VMAC: variants seen among roughly 807,000 people sequenced by gnomAD.
VMAC encodes the protein vimentin-type intermediate filament-associated coiled-coil protein.
In VMAC, 8 loss-of-function variants were observed where a neutral mutation model predicts 4.8. The observed-to-expected ratio is 1.68, with a 90% confidence interval of 0.99 to 3.03. The LOEUF (loss-of-function observed/expected upper bound fraction) is 3.03. Ranked by LOEUF, VMAC falls within the 30% of genes most tolerant of loss-of-function variation. The pLI is 0.00. For synonymous variants in VMAC, 96 were observed against 113.7 expected, an observed-to-expected ratio of 0.84 and a Z score of 0.99; for missense variants, 248 against 245.1, an observed-to-expected ratio of 1.01 and a Z score of -0.08.
chr19:5,909,424 G>C lies in VMAC; in HGVS notation c.*282G>C. The C allele has an allele frequency of 4.9e-6, 2 of 405,708 alleles. No homozygotes were observed. Among genetic ancestry groups the C allele is most frequent in the Non-Finnish European group, 8.7e-6 (2 of 229,250 alleles). The allele number at this position is 405,708 out of a possible 1,614,324, so 25.1% of individuals were successfully genotyped here. ...AGATCTGGATTTCTGGCAAGACTTG[G>C]CCAAGCTTGCCTGGAGTTCAGGGCA... On this transcript the variant is annotated 3_prime_UTR_variant, in exon 2 of 2. Coordinates refer to ENST00000339485, the MANE Select transcript of VMAC (RefSeq NM_001017921.4).
At chr19:5,906,819 G>T (rs192543222) in intron 1 of VMAC, among the ~76,000 whole-genome samples, 4 of 152,308 alleles carry the variant, frequency 2.6e-5, no homozygotes, top group Admixed American at 6.5e-5. Flanking sequence ...GAGGTCAGGA[G>T]TTCGAGACCA....
chr19:5,908,026 T>C lies in VMAC; in HGVS notation c.192-798T>C, dbSNP rs2144972282. On this transcript the variant is annotated intron_variant, in intron 1 of 1. Coordinates refer to ENST00000339485, the MANE Select transcript of VMAC (RefSeq NM_001017921.4). The surrounding 1 kb of genome is among the most constrained non-coding windows in gnomAD (Gnocchi z 4.5). ...ACCTCCCATTGGGGTTAGGACTTCA[T>C]CATATGAATTTTGGGGAGACAGAAA... 6.6e-6 allele frequency among the ~76,000 whole-genome samples: 1 copy of C among 152,312 alleles called. No homozygotes were observed. Among genetic ancestry groups the C allele is most frequent in the East Asian group, 1.9e-4 (1 of 5,176 alleles).
chr19:5,904,948 C>T lies in VMAC; in HGVS notation c.58C>T (p.His20Tyr). ...GGCAAACGCACACCTGGCAGCCGTG[C>T]ACCGGCGCGCAGCGGAGCTGGAGGC... Reference protein sequence around the residue: ...REANAHLAAVHRRAAELEARL... With the variant: ...REANAHLAAVYRRAAELEARL... Residue 20 changes from histidine to tyrosine, a missense_variant, in exon 1 of 2, where the codon CAC (histidine) becomes TAC (tyrosine). Coordinates refer to ENST00000339485, the MANE Select transcript of VMAC (RefSeq NM_001017921.4). 1 of 1,482,186 alleles carries T rather than the reference C, an allele frequency of 6.7e-7. No homozygotes were observed. Among genetic ancestry groups the T allele is most frequent in the African/African-American group, 1.5e-5 (1 of 68,332 alleles). 91.8% of individuals were successfully genotyped at this position (1,482,186 alleles called of 1,614,324 possible).
chr19:5,905,419 A>T (rs1223067608), intron 1 of VMAC, among the ~76,000 whole-genome samples: 2 of 152,078 alleles, frequency 1.3e-5, no homozygotes, highest in South Asian at 4.2e-4. Flanking sequence ...AACTTTTAAA[A>T]TTTATTATTA....
chr19:5,909,113 C>G lies in VMAC; in HGVS notation c.481C>G (p.Gln161Glu), dbSNP rs1390213309. The change falls in exon 2 of 2, where the codon CAG becomes GAG. Residue 161 changes from glutamine (Q) to glutamate (E), a missense_variant. Physicochemically the swap from Gln to Glu is conservative, Grantham distance 29. Transcript: ENST00000339485. ...GGAAGAGGCGGACAGGGACCACCTC[C>G]AGCCTGCAGTGTTTGGGACCACAGT... The part of the protein sequence containing the change: ...TGEEADRDHL[Q>E]PAVFGTTV The G allele has an allele frequency of 6.5e-7, 1 of 1,550,096 alleles. No individual in the cohort carries two copies. Among genetic ancestry groups the G allele is most frequent in the Middle Eastern group, 1.7e-4 (1 of 6,000 alleles).
chr19:5,905,073 C>T lies in VMAC; in HGVS notation c.183C>T (p.Ala61=). ...LRAALDELGR[A]KDREIATLQE... is the part of the protein sequence containing the mutation. ...CCGCCCTAGACGAACTGGGTCGCGCCAAGGACCGGTGAGGCCCGGGGCCGG... is the reference window on the plus strand; with the variant it reads ...CCGCCCTAGACGAACTGGGTCGCGCTAAGGACCGGTGAGGCCCGGGGCCGG... Residue 61 remains alanine (A), a synonymous_variant, in exon 1 of 2, where the codon GCC becomes GCT. Transcript: ENST00000339485. 7.4e-7 allele frequency: 1 copy of T among 1,357,278 alleles called. No homozygotes were observed. Among genetic ancestry groups the T allele is most frequent in the Non-Finnish European group, 9.4e-7 (1 of 1,062,628 alleles). 84.1% of individuals were successfully genotyped at this position (1,357,278 alleles called of 1,614,324 possible). A position where few individuals can be genotyped will look rare whatever the true frequency, so the allele number is the denominator to read the frequency against.
At position 5,909,038 on chromosome 19, in the gene VMAC, G is replaced by C. The variant is rs745704095; in HGVS notation, c.406G>C (p.Gly136Arg). The C allele has an allele frequency of 4.4e-6, 7 of 1,574,730 alleles. No homozygotes were observed. Among genetic ancestry groups the C allele is most frequent in the Non-Finnish European group, 5.2e-6 (6 of 1,162,054 alleles). ...GGGGCCCCTGCCGGCCAGTGACCCC[G>C]GCCACCCACCCCCCGGTGGGCCTGG... Reference protein sequence around the residue: ...RLGPLPASDPGHPPPGGPGPP... With the variant: ...RLGPLPASDPRHPPPGGPGPP... Residue 136 changes from glycine to arginine, a missense_variant, in exon 2 of 2, where the codon GGC (glycine) becomes CGC (arginine). Coordinates refer to ENST00000339485, the MANE Select transcript of VMAC (RefSeq NM_001017921.4).
chr19:5,906,950 C>T (rs966790002), intron 1 of VMAC, among the ~76,000 whole-genome samples: 7 of 152,210 alleles, frequency 4.6e-5, no homozygotes, highest in Non-Finnish European at 7.3e-5. Context: ...TCGCTTGAAC[C>T]CAGGAGGCGG....
At chr19:5,907,010 G>A (rs778584849) in intron 1 of VMAC, among the ~76,000 whole-genome samples, 1 of 152,200 alleles carries the variant, frequency 6.6e-6, no homozygotes, top group Non-Finnish European at 1.5e-5. Flanking sequence ...CTGGGCAACA[G>A]AGAGAGACTC....
intron 1 of VMAC, among the ~76,000 whole-genome samples, chr19:5,906,942 G>A (rs1371817804): frequency 6.6e-6 from 1 of 152,236 alleles, no homozygotes; most frequent in African/African-American, 2.4e-5. Context: ...CACGAGAATC[G>A]CTTGAACCCA....
Position 5,904,908 on chromosome 19 carries a change from C to G in VMAC, c.18C>G (p.Ala6=). Residue 6 remains alanine (A), a synonymous_variant, in exon 1 of 2, where the codon GCC becomes GCG. Coordinates refer to ENST00000339485, the MANE Select transcript of VMAC (RefSeq NM_001017921.4). The part of the protein sequence containing the change: MSAPP[A]LQIREANAHL... ...CCTGGGCCATGTCGGCGCCGCCGGC[C>G]CTGCAGATCCGGGAGGCAAACGCAC... 1 of 1,486,158 alleles carries G rather than the reference C, an allele frequency of 6.7e-7. No individual in the cohort carries two copies. The highest frequency in any genetic ancestry group is 8.9e-7 in the Non-Finnish European group (1 of 1,128,562). 92.1% of individuals were successfully genotyped at this position (1,486,158 alleles called of 1,614,324 possible).
At position 5,905,031 on chromosome 19, in the gene VMAC, C is replaced by T; in HGVS notation, c.141C>T (p.His47=). 3.6e-6 allele frequency: 5 copies of T among 1,388,830 alleles called. No homozygotes were observed. Among genetic ancestry groups the T allele is most frequent in the Middle Eastern group, 2.4e-4 (1 of 4,144 alleles). 86.0% of individuals were successfully genotyped at this position (1,388,830 alleles called of 1,614,324 possible). A position where few individuals can be genotyped will look rare whatever the true frequency, so the allele number is the denominator to read the frequency against. Residue 47 remains histidine, a synonymous_variant, in exon 1 of 2, where the codon CAC becomes CAT. Coordinates refer to ENST00000339485, the MANE Select transcript of VMAC (RefSeq NM_001017921.4). ...CCCAAGCCGAGCGCCTGGCCCTCCACGACCAGCAGCTGCGCGCCGCCCTAG... is the reference window on the plus strand; with the variant it reads ...CCCAAGCCGAGCGCCTGGCCCTCCATGACCAGCAGCTGCGCGCCGCCCTAG... The part of the protein sequence containing the change: ...VHAQAERLAL[H]DQQLRAALDE...
chr19:5,909,450 C>A lies in VMAC; in HGVS notation c.*308C>A. 3.0e-6 allele frequency: 1 copy of A among 336,450 alleles called. No individual in the cohort carries two copies. Among genetic ancestry groups the A allele is most frequent in the Non-Finnish European group, 5.4e-6 (1 of 186,428 alleles). The allele number at this position is 336,450 out of a possible 1,614,324, so 20.8% of individuals were successfully genotyped here. A position where few individuals can be genotyped will look rare whatever the true frequency, so the allele number is the denominator to read the frequency against. On this transcript the variant is annotated 3_prime_UTR_variant, in exon 2 of 2. Coordinates refer to ENST00000339485, the MANE Select transcript of VMAC (RefSeq NM_001017921.4). ...CCAAGCTTGCCTGGAGTTCAGGGCA[C>A]CCTCTTTAGCCAGGGTGTGAGTTTC... is the stretch of plus-strand genomic sequence containing the variant.
At position 5,910,155 on chromosome 19, in the gene VMAC, G is replaced by A. The variant is rs1037637160; in HGVS notation, c.*1013G>A. 4.6e-5 allele frequency: 7 copies of A among 152,360 alleles called. No individual in the cohort carries two copies. Among genetic ancestry groups the A allele is most frequent in the Admixed American group, 4.6e-4 (7 of 15,294 alleles). 9.4% of individuals were successfully genotyped at this position (152,360 alleles called of 1,614,324 possible). ...TAACAATGGGCCCATTTTCTCCTCT[G>A]GATGAACAAGGAGGGGGGTTGTTTG... is the stretch of plus-strand genomic sequence containing the variant. On this transcript the variant is annotated 3_prime_UTR_variant, in exon 2 of 2. Transcript: ENST00000339485.
Position 5,905,009 on chromosome 19 carries a change from A to C in VMAC, c.119A>C (p.Gln40Pro). Residue 40 changes from glutamine (Q) to proline (P), a missense_variant, in exon 1 of 2, where the codon CAA becomes CCA. By Grantham distance (76) the Gln-to-Pro change is moderately conservative. Transcript: ENST00000339485. ...LDAAERTVHA[Q>P]AERLALHDQQ... ...GCGGCGGAGCGCACGGTGCACGCCC[A>C]AGCCGAGCGCCTGGCCCTCCACGAC... 7.0e-7 allele frequency: 1 copy of C among 1,431,572 alleles called. No individual in the cohort carries two copies. The highest frequency in any genetic ancestry group is 9.1e-7 in the Non-Finnish European group (1 of 1,102,674). 88.7% of individuals were successfully genotyped at this position (1,431,572 alleles called of 1,614,324 possible). A position where few individuals can be genotyped will look rare whatever the true frequency, so the allele number is the denominator to read the frequency against.
Position 5,909,483 on chromosome 19 carries a change from TG to T in VMAC, c.*342del, listed in dbSNP as rs1339123182. 117 of 180,178 alleles carry T rather than the reference TG, an allele frequency of 6.5e-4. No individual in the cohort carries two copies. The highest frequency in any genetic ancestry group is 1.2e-3 in the Admixed American group (10 of 8,230). 11.2% of individuals were successfully genotyped at this position (180,178 alleles called of 1,614,324 possible). ...AGCCAGGGTGTGAGTTTCTGTTTTT[TG>T]TTTTTTTTTTTTTAAGACAGAGTCC... On this transcript the variant is annotated 3_prime_UTR_variant, in exon 2 of 2. Transcript: ENST00000339485.
rs567413944 is a variant in VMAC, at chr19:5,909,231, G to A, written c.*89G>A. 1.1e-5 allele frequency: 16 copies of A among 1,412,702 alleles called. No individual in the cohort carries two copies. The highest frequency in any genetic ancestry group is 1.8e-4 in the Middle Eastern group (1 of 5,472). 87.5% of individuals were successfully genotyped at this position (1,412,702 alleles called of 1,614,324 possible). A position where few individuals can be genotyped will look rare whatever the true frequency, so the allele number is the denominator to read the frequency against. On this transcript the variant is annotated 3_prime_UTR_variant, in exon 2 of 2. Transcript: ENST00000339485. Reference sequence around the variant, plus strand: ...CCAGCACCCTGCAGGGGGACCCTACGGCAGAGCCAAAGTCCTGTCTAAGCA... The same window carrying A: ...CCAGCACCCTGCAGGGGGACCCTACAGCAGAGCCAAAGTCCTGTCTAAGCA...
rs772978827 is a variant in VMAC, at chr19:5,908,943, T to C, written c.311T>C (p.Leu104Pro). 6.2e-7 allele frequency: 1 copy of C among 1,613,632 alleles called. No homozygotes were observed. The highest frequency in any genetic ancestry group is 8.5e-7 in the Non-Finnish European group (1 of 1,179,896). Residue 104 changes from leucine (L) to proline (P), a missense_variant, in exon 2 of 2, where the codon CTG becomes CCG. Coordinates refer to ENST00000339485, the MANE Select transcript of VMAC (RefSeq NM_001017921.4). This position sits in a 1 kb window ranked among gnomAD's most constrained non-coding sequence, Gnocchi z 4.5. Reference sequence around the variant, plus strand: ...CAGTTGCAGCCCCGGGCTGAGCTGCTGCAGGACATCTGCCGCCGCCGGCCA... The same window carrying C: ...CAGTTGCAGCCCCGGGCTGAGCTGCCGCAGGACATCTGCCGCCGCCGGCCA... ...IRQLQPRAELLQDICRRRPPL... is the reference protein window; with the variant it reads ...IRQLQPRAELPQDICRRRPPL...
chr19:5,906,795 C>T (rs1178899347), intron 1 of VMAC, among the ~76,000 whole-genome samples: 1 of 152,212 alleles, frequency 6.6e-6, no homozygotes, highest in Non-Finnish European at 1.5e-5. Context: ...AAGGCTGAGG[C>T]AGGCAGATCA....
Sources: gnomAD v4.1 joint callset for allele counts (sites outside exome capture counted in the v4.1 genomes callset) on GRCh38, gnomAD v4.1.1 for gene constraint, Gnocchi (gnomAD v3.1) non-coding constraint, MANE v1.5 for transcripts, NCBI Gene and HGNC (gene_info 2026-07-23, HGNC 2026-07-21) for gene names.